LIPG: variants seen among roughly 807,000 people sequenced by gnomAD.
The protein encoded by LIPG is lipase G, endothelial type.
In LIPG, 34 loss-of-function variants were observed where a neutral mutation model predicts 51.8. The observed-to-expected ratio is 0.66, with a 90% CI of 0.50 to 0.87. The LOEUF is 0.87. Ranked by LOEUF, LIPG falls within the 40% of genes least tolerant of loss-of-function variation. LIPG has a pLI of 0.00. For missense variants in LIPG, 580 were observed against 652.7 expected (o/e 0.89, Z 1.21); for synonymous variants, 246 against 246.1 (o/e 1.00, Z 0.00).
intron 5 of LIPG, among the ~76,000 whole-genome samples, chr18:49,579,764 CTTTCT>C (rs60357456): frequency 0.068 from 7,646 of 111,684 alleles, 302 homozygotes; most frequent in East Asian, 0.12. Context: ...CTTTCCTTTC[CTTTCT>C]TTTCTTTTCT....
intron 6 of LIPG, 78 bp downstream of exon 6, chr18:49,581,735 A>G (rs1201140066): frequency 6.4e-7 from 1 of 1,561,044 alleles, no homozygotes; most frequent in African/African-American, 1.3e-5. Flanking sequence ...AGAGCAGGGC[A>G]CATCCTAGCC....
intron 8 of LIPG, among the ~76,000 whole-genome samples, chr18:49,584,627 C>T (rs758763851): frequency 2.0e-5 from 3 of 152,198 alleles, no homozygotes; most frequent in Admixed American, 6.5e-5. Flanking sequence ...GGTTTACATT[C>T]GTCATCTATG....
At chr18:49,588,777 C>A (rs958823191) in intron 9 of LIPG, among the ~76,000 whole-genome samples, 2 of 152,154 alleles carry the variant, frequency 1.3e-5, no homozygotes, top group Non-Finnish European at 2.9e-5. Context: ...CAGCCACACG[C>A]CCTCTAAGCC....
Position 49,590,450 on chromosome 18 carries a change from G to A in LIPG, c.1482-51G>A, listed in dbSNP as rs28397776. 4,779 of 1,576,072 alleles carry A rather than the reference G, an allele frequency of 3.0e-3. 124 individuals are homozygous for A. In the African/African-American group the frequency reaches 0.056, roughly 18 times the overall value. ...GCACACCCTGAATACAGGTTTGCGC[G>A]TTTGCTGGTGTGTGAGCTAACAAAT... On this transcript the variant is annotated intron_variant, in intron 9 of 9. Transcript: ENST00000261292.
intron 9 of LIPG, among the ~76,000 whole-genome samples, chr18:49,587,965 T>A (rs1166441299): frequency 6.6e-6 from 1 of 152,146 alleles, no homozygotes; most frequent in Non-Finnish European, 1.5e-5. Context: ...ATTTGTGTAT[T>A]TTTTTGCAGA....
upstream of LIPG, chr18:49,561,658 G>A (rs930052370): frequency 8.1e-7 from 1 of 1,236,374 alleles, no homozygotes; most frequent in Non-Finnish European, 1.0e-6. Context: ...CACTCCCAGA[G>A]AGAGTGTGGC....
At chr18:49,563,874 T>C (rs1353914026) in intron 1 of LIPG, among the ~76,000 whole-genome samples, 2 of 152,036 alleles carry the variant, frequency 1.3e-5, no homozygotes, top group Non-Finnish European at 2.9e-5. Flanking sequence ...CATATGTGGG[T>C]TTATCCGCAG....
At chr18:49,561,810 G>A, upstream of LIPG, 2 of 1,256,214 alleles carry the variant, frequency 1.6e-6, no homozygotes, top group South Asian at 3.7e-5. Context: ...GGCAGTGGGA[G>A]AAAGCTGGAG....
intron 8 of LIPG, 78 bp from the exon 9 acceptor site, chr18:49,586,668 A>G (rs1397508986): frequency 7.6e-6 from 8 of 1,047,812 alleles, no homozygotes; most frequent in Non-Finnish European, 1.2e-5. Context: ...CTCCTCACCC[A>G]TCTGCCTTGA....
At position 49,569,422 on chromosome 18, in the gene LIPG, G is replaced by C. The variant is rs1336230012; in HGVS notation, c.460-15G>C. 6.2e-7 allele frequency: 1 copy of C among 1,608,792 alleles called. No individual in the cohort carries two copies. Among genetic ancestry groups the C allele is most frequent in the Non-Finnish European group, 8.5e-7 (1 of 1,175,210 alleles). ...CCCTGCTCTTCTGCTCACATACTTT[G>C]GTGACTTTCTATAGGAGAAGGACGA... On this transcript the variant is annotated splice_polypyrimidine_tract_variant and intron_variant, in intron 3 of 9. Coordinates refer to ENST00000261292, the MANE Select transcript of LIPG (RefSeq NM_006033.4).
chr18:49,561,953 G>A, upstream of LIPG: 1 of 1,369,760 alleles, frequency 7.3e-7, no homozygotes, highest in Non-Finnish European at 9.4e-7. Context: ...AGCAAGGTGT[G>A]ACCAATCAGA....
rs148350626 is a variant in LIPG, at chr18:49,562,925, T to TC, written c.97+525dup. 3.5e-3 allele frequency among the ~76,000 whole-genome samples: 537 copies of TC among 152,280 alleles called. 5 individuals are homozygous for TC. The highest frequency in any genetic ancestry group is 0.012 in the African/African-American group (509 of 41,568). ...TGTGCTTAGAAGCTGCCGGGCCTAT[T>TC]CCCCCAGGTTGCCAGCCTTTTCCTC... On this transcript the variant is annotated intron_variant, in intron 1 of 9. Transcript: ENST00000261292.
At chr18:49,586,115 A>G (rs1336002344) in intron 8 of LIPG, among the ~76,000 whole-genome samples, 2 of 152,256 alleles carry the variant, frequency 1.3e-5, no homozygotes, top group African/African-American at 4.8e-5. Flanking sequence ...GGAAATGGTT[A>G]TTAGGCCCTG....
intron 5 of LIPG, among the ~76,000 whole-genome samples, chr18:49,575,931 C>T (rs1310796804): frequency 1.3e-5 from 2 of 151,612 alleles, no homozygotes. Flanking sequence ...CTCCACCTCC[C>T]TGGTTCAAGC....
chr18:49,572,356 A>G (rs1259733244), intron 4 of LIPG, among the ~76,000 whole-genome samples: 8 of 149,286 alleles, frequency 5.4e-5, no homozygotes, highest in African/African-American at 1.0e-4. Flanking sequence ...ACAAACAAAC[A>G]AAAAACACCT....
At chr18:49,568,696 G>A (rs372337130) in intron 3 of LIPG, among the ~76,000 whole-genome samples, 2 of 152,092 alleles carry the variant, frequency 1.3e-5, no homozygotes, top group East Asian at 1.9e-4. Flanking sequence ...ACTTTTAATA[G>A]GTTAATAATC....
At chr18:49,566,148 TGGAAG>T (rs1212919281) in intron 2 of LIPG, among the ~76,000 whole-genome samples, 3 of 151,994 alleles carry the variant, frequency 2.0e-5, no homozygotes, top group Admixed American at 6.6e-5. Flanking sequence ...CTGGGCTAAT[TGGAAG>T]GGGACAGTCC....
rs2084560161 is a variant in LIPG, at chr18:49,562,397, G to A, written c.89G>A (p.Arg30Gln). 1.9e-6 allele frequency: 3 copies of A among 1,613,660 alleles called. No homozygotes were observed. Among genetic ancestry groups the A allele is most frequent in the South Asian group, 2.2e-5 (2 of 91,070 alleles). ...CCCGTACCTTTTGGTCCAGAGGGAC[G>A]GCTGGAAGGTAACGTGAATTTGTTT... is the stretch of plus-strand genomic sequence containing the variant. ...GSPVPFGPEGRLEDKLHKPKA... is the reference protein window; with the variant it reads ...GSPVPFGPEGQLEDKLHKPKA... Residue 30 changes from arginine to glutamine, a missense_variant, in exon 1 of 10, where the codon CGG (arginine) becomes CAG (glutamine). By Grantham distance (43) the Arg-to-Gln change is conservative. Coordinates refer to ENST00000261292, the MANE Select transcript of LIPG (RefSeq NM_006033.4).
intron 3 of LIPG, among the ~76,000 whole-genome samples, chr18:49,568,377 A>C (rs2084629050): frequency 6.7e-6 from 1 of 149,372 alleles, no homozygotes; most frequent in South Asian, 2.1e-4. Flanking sequence ...CAGATCTTGA[A>C]GTCTTATATT....
Sources: allele counts gnomAD v4.1 joint callset (sites outside exome capture counted in the v4.1 genomes callset), GRCh38; gene constraint gnomAD v4.1.1; transcripts MANE v1.5; gene names NCBI Gene and HGNC (gene_info 2026-07-23, HGNC 2026-07-21).